Variants in SLC1A2 observed in about 807,000 individuals in gnomAD.
SLC1A2 encodes solute carrier family 1 member 2, also known as excitatory amino acid transporter 2.
A neutral mutation model predicts 48.8 loss-of-function variants in SLC1A2; 15 were observed. The observed-to-expected ratio is 0.31, with a 90% CI of 0.21 to 0.47. SLC1A2 has a LOEUF of 0.47. Among genes scored for constraint, SLC1A2 ranks in the 20% least tolerant of loss-of-function variants. The pLI, the probability that SLC1A2 is intolerant of heterozygous loss-of-function variation, is 0.99. For missense variants in SLC1A2, 502 were observed against 730.5 expected (o/e 0.69, Z 3.61); for synonymous variants, 279 against 272.6 (o/e 1.02, Z -0.23).
At chr11:35,378,246 A>T (rs976016189) in intron 1 of SLC1A2, among the ~76,000 whole-genome samples, 5 of 152,244 alleles carry the variant, frequency 3.3e-5, no homozygotes, top group Non-Finnish European at 7.3e-5. Flanking sequence ...CTCAAATCAC[A>T]GTGGCTTGAT....
Position 35,280,961 on chromosome 11 carries a change from G to C in SLC1A2, c.1327C>G (p.Pro443Ala). The C allele has an allele frequency of 6.2e-7, 1 of 1,612,078 alleles. No homozygotes were observed. Among genetic ancestry groups the C allele is most frequent in the Non-Finnish European group, 8.5e-7 (1 of 1,179,298 alleles). Residue 443 changes from proline (P) to alanine (A), a missense_variant, in exon 9 of 11, where the codon CCC (proline) becomes GCC (alanine). This residue lies in a region of SLC1A2 where 309 missense variants were observed against 480.3 expected (regional missense o/e 0.64). Coordinates refer to ENST00000278379, the MANE Select transcript of SLC1A2 (RefSeq NM_004171.4). ...TLASVGAASI[P>A]SAGLVTMLLI... ...AGCATGGTGACCAGCCCGGCACTGG[G>C]GATACTGGCCGCGCCGACGCTTGCC...
chr11:35,310,688 A>G (rs1344154976), intron 4 of SLC1A2, among the ~76,000 whole-genome samples: 2 of 152,134 alleles, frequency 1.3e-5, no homozygotes, highest in African/African-American at 4.8e-5. Flanking sequence ...GCTTGGTTTT[A>G]GCTTAGTTTC....
chr11:35,280,526 A>G (rs954402571), intron 9 of SLC1A2: 3 of 217,780 alleles, frequency 1.4e-5, no homozygotes, highest in Admixed American at 1.2e-4. Flanking sequence ...ATATAAATGG[A>G]ATCATACAGT....
chr11:35,260,977 TATC>T lies in SLC1A2; in HGVS notation c.1654-15_1654-13del. 6.2e-7 allele frequency: 1 copy of T among 1,607,408 alleles called. No individual in the cohort carries two copies. On this transcript the variant is annotated splice_polypyrimidine_tract_variant and intron_variant, in intron 10 of 10. Transcript: ENST00000278379. ...GCTGCCAGAGTTACCTGAAAATAAT[TATC>T]ATCAACATCCAGCTTACAGACCACG...
chr11:35,261,484 A>G (rs755271122), intron 10 of SLC1A2, among the ~76,000 whole-genome samples: 1 of 152,240 alleles, frequency 6.6e-6, no homozygotes, highest in Non-Finnish European at 1.5e-5. Flanking sequence ...TAAAAAGAAA[A>G]GTAGGGAGAA....
chr11:35,292,845 T>TG (rs769401637), intron 6 of SLC1A2, among the ~76,000 whole-genome samples: 4 of 152,298 alleles, frequency 2.6e-5, no homozygotes, highest in Middle Eastern at 3.4e-3. Context: ...GGTGTGTCTC[T>TG]GGGAATCTTG....
intron 1 of SLC1A2, among the ~76,000 whole-genome samples, chr11:35,370,735 C>G (rs925877082): frequency 1.3e-5 from 2 of 152,002 alleles, no homozygotes; most frequent in African/African-American, 2.4e-5. Flanking sequence ...GGCTGTCTCA[C>G]TGGAGGCAGT....
At position 35,395,999 on chromosome 11, in the gene SLC1A2, C is replaced by T. The variant is rs536537463; in HGVS notation, c.17+22951G>A. Among the ~76,000 whole-genome samples the T allele has an allele frequency of 1.3e-4, 19 of 148,956 alleles. No individual in the cohort carries two copies. The East Asian group carries it at 2.4e-3, about 19-fold the overall frequency. The stretch of plus-strand genomic sequence containing the variant: ...ATTTCATCCATGTCCCTACAAAGGA[C>T]GTGAACTCATCATTTTTTATGGCTG... On this transcript the variant is annotated intron_variant, in intron 1 of 10. Transcript: ENST00000278379.
intron 5 of SLC1A2, among the ~76,000 whole-genome samples, chr11:35,303,251 A>G (rs1851405187): frequency 6.6e-6 from 1 of 152,172 alleles, no homozygotes; most frequent in Non-Finnish European, 1.5e-5. Context: ...CCAAGCACAT[A>G]TCAACCCAGA....
chr11:35,323,179 C>A (rs374622045), intron 1 of SLC1A2: 117 of 230,320 alleles, frequency 5.1e-4, no homozygotes, highest in African/African-American at 2.4e-3. Flanking sequence ...AACCTCTTTT[C>A]TATAGCTTCT....
intron 1 of SLC1A2, among the ~76,000 whole-genome samples, chr11:35,416,618 C>T (rs1016911898): frequency 6.6e-6 from 1 of 152,110 alleles, no homozygotes; most frequent in African/African-American, 2.4e-5. Context: ...TATCCTATTC[C>T]CCAAACATTC....
At chr11:35,288,940 A>C (rs1039721693) in intron 7 of SLC1A2, among the ~76,000 whole-genome samples, 3 of 152,216 alleles carry the variant, frequency 2.0e-5, no homozygotes, top group Non-Finnish European at 2.9e-5. Flanking sequence ...CCACCCACCC[A>C]ATCAAACTAG....
At chr11:35,416,790 T>C (rs1329955426) in intron 1 of SLC1A2, among the ~76,000 whole-genome samples, 1 of 152,210 alleles carries the variant, frequency 6.6e-6, no homozygotes. Flanking sequence ...CTTAGTAAAT[T>C]TTTCTTTACA....
chr11:35,392,232 T>C (rs561258712), intron 1 of SLC1A2: 1 of 152,260 alleles, frequency 6.6e-6, no homozygotes, highest in Non-Finnish European at 1.5e-5. Flanking sequence ...TAAGTTTTTG[T>C]TTCCTGGTTT....
intron 1 of SLC1A2, among the ~76,000 whole-genome samples, chr11:35,385,971 T>A (rs1208446909): frequency 6.6e-6 from 1 of 151,984 alleles, no homozygotes; most frequent in Non-Finnish European, 1.5e-5. Context: ...ATCTAGACCA[T>A]CCTGGCTAAC....
intron 1 of SLC1A2, chr11:35,391,501 G>A (rs531972030): frequency 6.6e-6 from 1 of 152,158 alleles, no homozygotes; most frequent in Non-Finnish European, 1.5e-5. Context: ...TCTCTACCCT[G>A]TGTGTACCTT....
At chr11:35,357,052 T>C (rs1171564616) in intron 1 of SLC1A2, among the ~76,000 whole-genome samples, 1 of 151,876 alleles carries the variant, frequency 6.6e-6, no homozygotes, top group Non-Finnish European at 1.5e-5. Flanking sequence ...CCATCCTATC[T>C]AACATGGTAA....
At chr11:35,402,924 T>A (rs896068250) in intron 1 of SLC1A2, among the ~76,000 whole-genome samples, 10 of 152,258 alleles carry the variant, frequency 6.6e-5, no homozygotes, top group African/African-American at 2.4e-4. Context: ...GCCCAGGGCC[T>A]ACTTTCTAAT....
intron 9 of SLC1A2, among the ~76,000 whole-genome samples, chr11:35,267,815 C>T (rs1047081302): frequency 1.3e-5 from 2 of 151,948 alleles, no homozygotes; most frequent in African/African-American, 4.8e-5. Context: ...CAAGAAACTG[C>T]CTCTCCTTCT....
Sources: gnomAD v4.1 joint callset for allele counts (sites outside exome capture counted in the v4.1 genomes callset) on GRCh38, gnomAD v4.1.1 for gene constraint, gnomAD v4.1.1 regional missense constraint, MANE v1.5 for transcripts, NCBI Gene and HGNC (gene_info 2026-07-23, HGNC 2026-07-21) for gene names.